NIPAL2: variants seen among roughly 807,000 people sequenced by gnomAD.
The protein encoded by NIPAL2 is NIPA-like protein 2.
Under a neutral mutation model 48.9 loss-of-function variants are expected in NIPAL2, and 43 were observed. The observed-to-expected ratio is 0.88, with a 90% CI of 0.69 to 1.13. The LOEUF (loss-of-function observed/expected upper bound fraction) is 1.13. NIPAL2 is among the 50% of genes most tolerant of loss of function. The pLI is 0.00. For missense variants in NIPAL2, 446 were observed against 461.4 expected (o/e 0.97, Z 0.31); for synonymous variants, 167 against 174.6 (o/e 0.96, Z 0.34).
At chr8:98,213,519 G>T (rs1389320359) in intron 5 of NIPAL2, among the ~76,000 whole-genome samples, 1 of 152,118 alleles carries the variant, frequency 6.6e-6, no homozygotes, top group East Asian at 1.9e-4. Flanking sequence ...GGATCATAAA[G>T]TCATAGGCAA....
At chr8:98,205,736 G>C (rs1270314013) in intron 6 of NIPAL2, among the ~76,000 whole-genome samples, 3 of 152,208 alleles carry the variant, frequency 2.0e-5, no homozygotes, top group Non-Finnish European at 4.4e-5. Context: ...GTTGTACTAA[G>C]TCATTGCTTC....
rs190364978 is a variant in NIPAL2, at chr8:98,249,598, A to G, written c.376+2865T>C. The stretch of plus-strand genomic sequence containing the variant: ...ATATATTATCTATTAATATGTAACT[A>G]TATTTAATATATATTAAATGTATAA... On this transcript the variant is annotated intron_variant, in intron 3 of 10. Transcript: ENST00000430223. Among the ~76,000 whole-genome samples the G allele has an allele frequency of 3.2e-3, 476 of 147,980 alleles. 1 individual carries two copies. The highest frequency in any genetic ancestry group is 0.011 in the African/African-American group (445 of 40,794).
At chr8:98,258,325 G>T (rs1305315053) in intron 1 of NIPAL2, among the ~76,000 whole-genome samples, 1 of 152,194 alleles carries the variant, frequency 6.6e-6, no homozygotes, top group Non-Finnish European at 1.5e-5. Flanking sequence ...GTACATCAAT[G>T]ACAATGTGCT....
At chr8:98,206,753 G>A (rs1299423534) in intron 6 of NIPAL2, among the ~76,000 whole-genome samples, 6 of 149,892 alleles carry the variant, frequency 4.0e-5, no homozygotes, top group Admixed American at 2.0e-4. Context: ...CTCCAGCCTG[G>A]GTGACAGACC....
chr8:98,282,412 G>A (rs935662653), intron 1 of NIPAL2, among the ~76,000 whole-genome samples: 2 of 152,154 alleles, frequency 1.3e-5, no homozygotes, highest in Non-Finnish European at 2.9e-5. Context: ...AGGATGGACT[G>A]GCAAGGAGAC....
At chr8:98,260,800 C>T (rs566048061) in intron 1 of NIPAL2, among the ~76,000 whole-genome samples, 1 of 152,370 alleles carries the variant, frequency 6.6e-6, no homozygotes, top group East Asian at 1.9e-4. Context: ...GCCTGCCTGC[C>T]TCTGTAGGCT....
In NIPAL2 at chr8:98,211,711, TGAGA is replaced by T. The variant is rs35032754; in HGVS notation, c.655+690_655+693del. On this transcript the variant is annotated intron_variant, in intron 6 of 10. Coordinates refer to ENST00000430223, the MANE Select transcript of NIPAL2 (RefSeq NM_001321635.2). ...ATCTCCTAGTGTTGGTATATATGAGTGAGAGAGAGAGAGAGAGAGAAAGTGTGTG... is the reference window on the plus strand; with the variant it reads ...ATCTCCTAGTGTTGGTATATATGAGTGAGAGAGAGAGAGAGAAAGTGTGTG... 2.3e-4 allele frequency among the ~76,000 whole-genome samples: 29 copies of T among 126,880 alleles called. No individual in the cohort carries two copies. The East Asian group carries it at 5.2e-3, about 23-fold the overall frequency. The allele number at this position is 126,880 out of a possible 152,430, so 83.2% of individuals were successfully genotyped here.
chr8:98,242,488 A>ATTTTTTGTTTTTTTGTTTTTTT, intron 3 of NIPAL2, among the ~76,000 whole-genome samples: 1 of 117,768 alleles, frequency 8.5e-6, no homozygotes, highest in African/African-American at 3.3e-5. Context: ...CACCTGACAG[A>ATTTTTTGTTTTTTTGTTTTTTT]TTTTTTTTTT....
At chr8:98,253,285 G>T (rs779854045) in intron 2 of NIPAL2, among the ~76,000 whole-genome samples, 23 of 152,116 alleles carry the variant, frequency 1.5e-4, no homozygotes, top group Non-Finnish European at 2.6e-4. Flanking sequence ...TCCACTGGGA[G>T]TCTTGCAATG....
At chr8:98,220,672 G>T (rs1354140641) in intron 5 of NIPAL2, among the ~76,000 whole-genome samples, 2 of 152,064 alleles carry the variant, frequency 1.3e-5, no homozygotes, top group East Asian at 3.9e-4. Flanking sequence ...GCTTCCTGAA[G>T]TGTTGGGTAA....
At chr8:98,194,900 T>C (rs139680168) in intron 9 of NIPAL2, 78 bp from the exon 10 acceptor site, 10,642 of 766,960 alleles carry the variant, frequency 0.014, 103 homozygotes, top group Non-Finnish European at 0.016. Context: ...CTCCATATTC[T>C]ACATGATGAC....
chr8:98,212,527 G>A lies in NIPAL2; in HGVS notation c.559-26C>T, dbSNP rs774389960. Reference sequence around the variant, plus strand: ...CTAGAAATGAAAAAGATGGAAAAGAGTAAGTTATTCTATGCAAAGTCTTCA... The same window carrying A: ...CTAGAAATGAAAAAGATGGAAAAGAATAAGTTATTCTATGCAAAGTCTTCA... On this transcript the variant is annotated intron_variant, in intron 5 of 10. Transcript: ENST00000430223. The A allele has an allele frequency of 2.6e-6, 3 of 1,162,698 alleles. No individual in the cohort carries two copies. In the Admixed American group the frequency reaches 5.3e-5, roughly 20 times the overall value. The allele number at this position is 1,162,698 out of a possible 1,614,324, so 72.0% of individuals were successfully genotyped here.
At position 98,293,996 on chromosome 8, in the gene NIPAL2, C is replaced by A; in HGVS notation, c.135+7G>T. ...CCGGGCTGCGGTGGCTGCGGGGCGGCCCTTACCTGGTTCCTGCGGTACCAG... is the reference window on the plus strand; with the variant it reads ...CCGGGCTGCGGTGGCTGCGGGGCGGACCTTACCTGGTTCCTGCGGTACCAG... On this transcript the variant is annotated splice_region_variant and intron_variant, in intron 1 of 10. Coordinates refer to ENST00000430223, the MANE Select transcript of NIPAL2 (RefSeq NM_001321635.2). 6.8e-7 allele frequency: 1 copy of A among 1,480,778 alleles called. No individual in the cohort carries two copies. The highest frequency in any genetic ancestry group is 2.4e-5 in the Admixed American group (1 of 41,770). 91.7% of individuals were successfully genotyped at this position (1,480,778 alleles called of 1,614,324 possible).
At chr8:98,283,112 T>C (rs767632997) in intron 1 of NIPAL2, among the ~76,000 whole-genome samples, 3 of 152,214 alleles carry the variant, frequency 2.0e-5, no homozygotes, top group Non-Finnish European at 2.9e-5. Flanking sequence ...AACCCCAACA[T>C]ATTGCCTTCC....
rs1410288727 is a variant in NIPAL2, at chr8:98,193,024, C to T, written c.1106G>A (p.Gly369Glu). The stretch of plus-strand genomic sequence containing the variant: ...ACTTTGGCTCTTTGTTGAGTCACTT[C>T]CATCAGGCAAAGTTCCATAGGATAA... ...HSLSYGTLPDGSDSTKSQSGE... is the reference protein window; with the variant it reads ...HSLSYGTLPDESDSTKSQSGE... Residue 369 changes from glycine to glutamate, a missense_variant, in exon 11 of 11, where the codon GGA becomes GAA. Transcript: ENST00000430223. The T allele has an allele frequency of 2.5e-6, 4 of 1,613,988 alleles. No homozygotes were observed. Among genetic ancestry groups the T allele is most frequent in the South Asian group, 2.2e-5 (2 of 91,088 alleles).
Position 98,192,935 on chromosome 8 carries a change from AG to A in NIPAL2, c.*42del. 8.2e-7 allele frequency: 1 copy of A among 1,217,184 alleles called. No homozygotes were observed. The highest frequency in any genetic ancestry group is 1.2e-6 in the Non-Finnish European group (1 of 822,152). 75.4% of individuals were successfully genotyped at this position (1,217,184 alleles called of 1,614,324 possible). ...ATTGAACATGTGCAATTTTTTAAAA[AG>A]GTGGTATCGAATAACAGGCCAACAG... On this transcript the variant is annotated 3_prime_UTR_variant, in exon 11 of 11. Transcript: ENST00000430223.
intron 3 of NIPAL2, among the ~76,000 whole-genome samples, chr8:98,245,144 T>C (rs1368911419): frequency 1.3e-5 from 2 of 152,244 alleles, no homozygotes; most frequent in Admixed American, 6.5e-5. Context: ...CCACTTATAA[T>C]GGCAACTTTA....
At chr8:98,240,624 C>T (rs1023995221) in intron 3 of NIPAL2, among the ~76,000 whole-genome samples, 13 of 152,324 alleles carry the variant, frequency 8.5e-5, no homozygotes, top group Admixed American at 3.9e-4. Flanking sequence ...CTGAGCTGAG[C>T]TGTCTTCAAC....
chr8:98,287,578 G>C (rs1213335496), intron 1 of NIPAL2, among the ~76,000 whole-genome samples: 1 of 152,172 alleles, frequency 6.6e-6, no homozygotes, highest in African/African-American at 2.4e-5. Context: ...ATATTTTTAT[G>C]ACATGTCCTA....
Sources: gnomAD v4.1 joint callset for allele counts (sites outside exome capture counted in the v4.1 genomes callset) on GRCh38, gnomAD v4.1.1 for gene constraint, MANE v1.5 for transcripts, NCBI Gene and HGNC (gene_info 2026-07-23, HGNC 2026-07-21) for gene names.